Variants in SLC13A3 observed in about 807,000 individuals in gnomAD.
SLC13A3 encodes Na(+)/dicarboxylate cotransporter 3.
A neutral mutation model predicts 59.0 loss-of-function variants in SLC13A3; 40 were observed. The observed-to-expected ratio is 0.68, with a 90% CI of 0.53 to 0.88. The LOEUF is 0.88. SLC13A3 is among the 40% of genes least tolerant of loss of function. The pLI is 0.00. For missense variants in SLC13A3, 699 were observed against 783.2 expected (o/e 0.89, Z 1.28); for synonymous variants, 317 against 330.3 (o/e 0.96, Z 0.44).
At chr20:46,672,622 T>C (rs1404753318), upstream of SLC13A3, among the ~76,000 whole-genome samples, 1 of 152,152 alleles carries the variant, frequency 6.6e-6, no homozygotes, top group Non-Finnish European at 1.5e-5. Flanking sequence ...CTGATGAACC[T>C]AGGTGAGCTT....
chr20:46,655,535 A>C (rs2122897987), upstream of SLC13A3, among the ~76,000 whole-genome samples: 1 of 147,518 alleles, frequency 6.8e-6, no homozygotes, highest in East Asian at 2.0e-4. Flanking sequence ...AGTATATATT[A>C]TATATACTAT....
chr20:46,659,723 C>CCCA (rs1555884130), intron 1 of SLC13A3, among the ~76,000 whole-genome samples: 4 of 120,994 alleles, frequency 3.3e-5, no homozygotes, highest in African/African-American at 9.3e-5. Flanking sequence ...CCCCCCCCCC[C>CCCA]AAAAAAAAAA....
chr20:46,645,143 C>T (rs1280956078), intron 1 of SLC13A3, among the ~76,000 whole-genome samples: 1 of 152,194 alleles, frequency 6.6e-6, no homozygotes, highest in African/African-American at 2.4e-5. Flanking sequence ...CCCCACATCA[C>T]ATTGCTTTTT....
chr20:46,627,886 G>C (rs1453039955), intron 1 of SLC13A3, among the ~76,000 whole-genome samples: 1 of 152,194 alleles, frequency 6.6e-6, no homozygotes, highest in Non-Finnish European at 1.5e-5. Context: ...CTGAGGTCTG[G>C]AGAGGAGGTG....
At chr20:46,611,795 T>TA (rs1427165668) in intron 2 of SLC13A3, among the ~76,000 whole-genome samples, 1 of 152,144 alleles carries the variant, frequency 6.6e-6, no homozygotes, top group Non-Finnish European at 1.5e-5. Context: ...GACGAATCTT[T>TA]AAAAAATGCA....
chr20:46,632,971 T>C (rs897983218), intron 1 of SLC13A3, among the ~76,000 whole-genome samples: 2 of 132,208 alleles, frequency 1.5e-5, no homozygotes, highest in African/African-American at 5.5e-5. Flanking sequence ...ATCTATCTGT[T>C]TATGTATCTA....
intron 6 of SLC13A3, among the ~76,000 whole-genome samples, chr20:46,589,701 T>C (rs1373436438): frequency 2.0e-5 from 3 of 152,210 alleles, no homozygotes; most frequent in Non-Finnish European, 4.4e-5. Flanking sequence ...CCCATCCATC[T>C]ATGGCCAGTT....
At chr20:46,583,719 C>T (rs777709085) in intron 8 of SLC13A3, 50 bp from the exon 9 acceptor site, 23 of 1,608,020 alleles carry the variant, frequency 1.4e-5, no homozygotes, top group African/African-American at 9.4e-5. Flanking sequence ...CTCAGCGGGC[C>T]GAGGTTTGGC....
chr20:46,653,412 T>C (rs2062965601), upstream of SLC13A3, among the ~76,000 whole-genome samples: 1 of 152,212 alleles, frequency 6.6e-6, no homozygotes, highest in Non-Finnish European at 1.5e-5. Flanking sequence ...TTTCTGTTTC[T>C]GGTTGGGCCA....
intron 5 of SLC13A3, among the ~76,000 whole-genome samples, chr20:46,592,842 G>A (rs1314320682): frequency 6.6e-6 from 1 of 152,182 alleles, no homozygotes; most frequent in African/African-American, 2.4e-5. Context: ...AGAGAGCCCT[G>A]CTCATTAAAG....
At chr20:46,655,045 C>A (rs1330413652), upstream of SLC13A3, among the ~76,000 whole-genome samples, 2 of 152,080 alleles carry the variant, frequency 1.3e-5, no homozygotes, top group African/African-American at 4.8e-5. Context: ...TGAGTTATTT[C>A]TTCTCCATAG....
At chr20:46,566,493 C>A (rs779610643) in intron 10 of SLC13A3, 103 bp from the exon 11 acceptor site, 2 of 1,317,610 alleles carry the variant, frequency 1.5e-6, no homozygotes, top group African/African-American at 3.0e-5. Context: ...TACCCCTTCC[C>A]AGATGGGGAG....
chr20:46,646,104 C>T lies in SLC13A3; in HGVS notation c.111+5207G>A, dbSNP rs116177795. On this transcript the variant is annotated intron_variant, in intron 1 of 12. Transcript: ENST00000279027. ...ATGAGATGATAGAAGGTAAAATCAG[C>T]AGGCAGTGTCTGGCCAGAGAAGGTG... Among the ~76,000 whole-genome samples, 1,065 of 152,238 alleles carry T rather than the reference C, an allele frequency of 7.0e-3. 16 individuals are homozygous for T. The highest frequency in any genetic ancestry group is 0.024 in the African/African-American group (994 of 41,524).
chr20:46,601,310 T>G (rs1371772435), intron 3 of SLC13A3, among the ~76,000 whole-genome samples: 1 of 152,056 alleles, frequency 6.6e-6, no homozygotes, highest in Admixed American at 6.5e-5. Context: ...TCTGTTGCAT[T>G]TTCCAGCTAA....
At chr20:46,623,843 T>A (rs188242644) in intron 1 of SLC13A3, among the ~76,000 whole-genome samples, 1 of 152,222 alleles carries the variant, frequency 6.6e-6, no homozygotes, top group Non-Finnish European at 1.5e-5. Context: ...ATTTTACTGA[T>A]GGGACATGGA....
Position 46,600,001 on chromosome 20 carries a change from G to A in SLC13A3, c.578C>T (p.Thr193Met), listed in dbSNP as rs371089376. Reference protein sequence around the residue: ...VRRNGLHTVPTEMQFLASTEA... With the variant: ...VRRNGLHTVPMEMQFLASTEA... ...TGTGCTGGCGAGAAACTGCATCTCC[G>A]TGGGCACAGTGTGTAGGCCGTTTCT... Residue 193 changes from threonine (T) to methionine (M), a missense_variant, in exon 4 of 13, where the codon ACG (threonine) becomes ATG (methionine). By Grantham distance (81) the Thr-to-Met change is moderately conservative. Coordinates refer to ENST00000279027, the MANE Select transcript of SLC13A3 (RefSeq NM_022829.6). 13 of 1,589,304 alleles carry A rather than the reference G, an allele frequency of 8.2e-6. No homozygotes were observed. The highest frequency in any genetic ancestry group is 6.8e-5 in the South Asian group (6 of 87,976).
At chr20:46,655,595 C>A (rs2062980279), upstream of SLC13A3, among the ~76,000 whole-genome samples, 1 of 146,522 alleles carries the variant, frequency 6.8e-6, no homozygotes, top group Non-Finnish European at 1.5e-5. Flanking sequence ...ATGGATATAC[C>A]ATATCATGTT....
chr20:46,603,186 A>T (rs527763818), intron 3 of SLC13A3, among the ~76,000 whole-genome samples: 1 of 152,146 alleles, frequency 6.6e-6, no homozygotes, highest in Non-Finnish European at 1.5e-5. Flanking sequence ...TTCGTCTCAA[A>T]AAAAAAAAAG....
At chr20:46,632,581 T>G (rs1460440187) in intron 1 of SLC13A3, among the ~76,000 whole-genome samples, 1 of 152,196 alleles carries the variant, frequency 6.6e-6, no homozygotes, top group African/African-American at 2.4e-5. Context: ...GGTTATGAGC[T>G]TGGCATCCAG....
Sources: allele counts gnomAD v4.1 joint callset (sites outside exome capture counted in the v4.1 genomes callset), GRCh38; gene constraint gnomAD v4.1.1; transcripts MANE v1.5; gene names NCBI Gene and HGNC (gene_info 2026-07-23, HGNC 2026-07-21).